Variants in SEMA3D observed in about 807,000 individuals in gnomAD.
SEMA3D encodes semaphorin-3D.
Under a neutral mutation model 100.1 loss-of-function variants are expected in SEMA3D, and 84 were observed. The ratio of observed to expected loss-of-function variants is 0.84; its 90% CI spans 0.70 to 1.01. SEMA3D has a LOEUF of 1.01. Ranked by LOEUF, SEMA3D falls within the 50% of genes least tolerant of loss-of-function variation. The probability of loss-of-function intolerance (pLI) is 0.00; values close to 1 mark genes in which losing one functional copy is unlikely to be tolerated. For missense variants in SEMA3D, 875 were observed against 934.1 expected, an observed-to-expected ratio of 0.94 and a Z score of 0.82; for synonymous variants, 312 against 320.7, an observed-to-expected ratio of 0.97 and a Z score of 0.29.
intron 12 of SEMA3D, among the ~76,000 whole-genome samples, chr7:85,030,044 G>A (rs1790503356): frequency 6.6e-6 from 1 of 151,964 alleles, no homozygotes; most frequent in African/African-American, 2.4e-5. Flanking sequence ...GTTGGACAGT[G>A]GAAGAGGCAA....
chr7:85,131,650 T>C (rs752402053), intron 2 of SEMA3D, among the ~76,000 whole-genome samples: 1 of 151,994 alleles, frequency 6.6e-6, no homozygotes, highest in Non-Finnish European at 1.5e-5. Context: ...TTTAAAAATC[T>C]TGTGGATCTT....
chr7:85,007,027 T>C (rs1220129175), intron 17 of SEMA3D, 86 bp from the exon 18 acceptor site: 1 of 987,854 alleles, frequency 1.0e-6, no homozygotes, highest in Middle Eastern at 2.4e-4. Context: ...ACAGATGCCA[T>C]GGGGAAAGAA....
intron 3 of SEMA3D, among the ~76,000 whole-genome samples, chr7:85,111,115 G>T (rs1583933259): frequency 6.6e-6 from 1 of 151,940 alleles, no homozygotes; most frequent in South Asian, 2.1e-4. Context: ...AGTTCACTTT[G>T]CAGTTAATTC....
intron 7 of SEMA3D, among the ~76,000 whole-genome samples, chr7:85,066,913 C>CAGAGAGAGAGAGAGAGAGAG (rs201123647): frequency 1.6e-4 from 20 of 127,722 alleles, no homozygotes; most frequent in Admixed American, 3.1e-4. Context: ...CACACACACA[C>CAGAGAGAGAGAGAGAGAGAG]AGAGAGAGAG....
chr7:85,112,273 T>A (rs1388170588), intron 3 of SEMA3D, among the ~76,000 whole-genome samples: 1 of 152,168 alleles, frequency 6.6e-6, no homozygotes, highest in Non-Finnish European at 1.5e-5. Flanking sequence ...TACTTATTCA[T>A]TTTTTAGAAA....
chr7:85,018,170 A>G, intron 15 of SEMA3D, 82 bp downstream of exon 15: 1 of 861,940 alleles, frequency 1.2e-6, no homozygotes, highest in Admixed American at 2.0e-5. Flanking sequence ...TCCCAATTTC[A>G]ATGGATTTTT....
the SEMA3D span, among the ~76,000 whole-genome samples, chr7:85,200,855 C>T: frequency 1.3e-5 from 2 of 152,150 alleles, no homozygotes; most frequent in Non-Finnish European, 2.9e-5. Flanking sequence ...GACTTGGGGC[C>T]CTGCATCCCA....
At chr7:85,091,165 G>A (rs558677457) in intron 4 of SEMA3D, among the ~76,000 whole-genome samples, 6 of 122,542 alleles carry the variant, frequency 4.9e-5, no homozygotes, top group African/African-American at 2.7e-4. Flanking sequence ...AAGGAAGGAA[G>A]GAAGGAAAGA....
the SEMA3D span, among the ~76,000 whole-genome samples, chr7:85,247,029 A>ACT: frequency 6.6e-6 from 1 of 152,072 alleles, no homozygotes; most frequent in Non-Finnish European, 1.5e-5. Flanking sequence ...AAAGTCAAAT[A>ACT]TATATCAATA....
chr7:85,192,218 G>A, the SEMA3D span, among the ~76,000 whole-genome samples: 2 of 152,010 alleles, frequency 1.3e-5, no homozygotes, highest in Admixed American at 6.6e-5. Context: ...ATGAAAATGG[G>A]TTTAGTGGGG....
At chr7:85,044,668 T>C (rs1790957435) in intron 9 of SEMA3D, among the ~76,000 whole-genome samples, 1 of 152,070 alleles carries the variant, frequency 6.6e-6, no homozygotes, top group Non-Finnish European at 1.5e-5. Flanking sequence ...GTAGCTGAGT[T>C]CATGTGTGCT....
chr7:85,147,105 T>TTTTTC (rs1291323167), intron 2 of SEMA3D, among the ~76,000 whole-genome samples: 5 of 127,488 alleles, frequency 3.9e-5, no homozygotes, highest in African/African-American at 6.3e-5. Flanking sequence ...TTTTTTTTTT[T>TTTTTC]TTTTTTTTTT....
At chr7:85,048,972 C>T (rs1583869938) in intron 9 of SEMA3D, among the ~76,000 whole-genome samples, 3 of 151,884 alleles carry the variant, frequency 2.0e-5, no homozygotes, top group African/African-American at 4.8e-5. Flanking sequence ...TTTCTCTTTA[C>T]CAGAGGAAGG....
chr7:85,230,297 A>G, the SEMA3D span, among the ~76,000 whole-genome samples: 1 of 152,126 alleles, frequency 6.6e-6, no homozygotes. Context: ...TTGCTTGAAC[A>G]CTTACTATAA....
chr7:85,248,335 G>T, the SEMA3D span, among the ~76,000 whole-genome samples: 2 of 152,144 alleles, frequency 1.3e-5, no homozygotes. Context: ...AAATGCTGTT[G>T]AGAATGTGGA....
chr7:85,061,879 G>C (rs755016131), intron 8 of SEMA3D, among the ~76,000 whole-genome samples: 4 of 152,094 alleles, frequency 2.6e-5, no homozygotes, highest in Admixed American at 6.5e-5. Flanking sequence ...TGCTTTCCCT[G>C]GCTCCAGCCA....
upstream of SEMA3D, among the ~76,000 whole-genome samples, chr7:85,187,199 C>G (rs1320457031): frequency 6.6e-6 from 1 of 152,104 alleles, no homozygotes; most frequent in Non-Finnish European, 1.5e-5. Context: ...CTGCCAGCAG[C>G]GTGGATTTAG....
chr7:85,201,287 C>T, the SEMA3D span, among the ~76,000 whole-genome samples: 1 of 152,170 alleles, frequency 6.6e-6, no homozygotes, highest in Admixed American at 6.5e-5. Flanking sequence ...CTGAAAACTA[C>T]TAGCTTTGAT....
At chr7:85,117,845 T>C (rs994529487) in intron 3 of SEMA3D, among the ~76,000 whole-genome samples, 4 of 151,194 alleles carry the variant, frequency 2.6e-5, no homozygotes, top group Non-Finnish European at 4.4e-5. Context: ...TATATATAGA[T>C]ACATATACAT....
Sources: gnomAD v4.1 joint callset for allele counts (sites outside exome capture counted in the v4.1 genomes callset) on GRCh38, gnomAD v4.1.1 for gene constraint, MANE v1.5 for transcripts, NCBI Gene and HGNC (gene_info 2026-07-23, HGNC 2026-07-21) for gene names.